ASTN1: variants seen among roughly 807,000 people sequenced by gnomAD.
ASTN1 encodes the protein astrotactin-1.
A neutral mutation model predicts 140.7 loss-of-function variants in ASTN1; 41 were observed. The observed-to-expected ratio is 0.29, with a 90% CI of 0.23 to 0.38. The LOEUF (loss-of-function observed/expected upper bound fraction) is 0.38, where lower values mean the gene tolerates loss of function less well. ASTN1 is among the 10% of genes least tolerant of loss of function. The pLI, the probability that ASTN1 is intolerant of heterozygous loss-of-function variation, is 1.00. For synonymous variants in ASTN1, 640 were observed against 652.2 expected, an observed-to-expected ratio of 0.98 and a Z score of 0.29; for missense variants, 1,479 against 1,678.8, an observed-to-expected ratio of 0.88 and a Z score of 2.08.
intron 8 of ASTN1, among the ~76,000 whole-genome samples, chr1:176,989,331 T>G (rs1474480354): frequency 2.6e-5 from 4 of 152,244 alleles, no homozygotes; most frequent in African/African-American, 7.2e-5. Context: ...GCATTAGATC[T>G]AATCACTGCC....
intron 2 of ASTN1, among the ~76,000 whole-genome samples, chr1:177,034,824 T>C (rs1418310727): frequency 6.6e-6 from 1 of 152,240 alleles, no homozygotes; most frequent in Non-Finnish European, 1.5e-5. Flanking sequence ...TTGTCAGACA[T>C]TGAATTAAGC....
At chr1:176,997,164 A>T (rs866293919) in intron 8 of ASTN1, among the ~76,000 whole-genome samples, 1 of 152,156 alleles carries the variant, frequency 6.6e-6, no homozygotes, top group South Asian at 2.1e-4. Context: ...ATTACCAAGC[A>T]CACTCCACAA....
At chr1:177,107,391 T>C (rs1680602440) in intron 1 of ASTN1, among the ~76,000 whole-genome samples, 1 of 152,192 alleles carries the variant, frequency 6.6e-6, no homozygotes, top group South Asian at 2.1e-4. Context: ...ATAAATGTGG[T>C]GGCACCAAAG....
At chr1:177,080,038 C>G (rs1244769167) in intron 1 of ASTN1, among the ~76,000 whole-genome samples, 4 of 151,994 alleles carry the variant, frequency 2.6e-5, no homozygotes, top group Non-Finnish European at 4.4e-5. Flanking sequence ...AATTCAAGTT[C>G]TGTCAACAGC....
intron 1 of ASTN1, among the ~76,000 whole-genome samples, chr1:177,120,307 T>C (rs1022641457): frequency 6.6e-6 from 1 of 152,130 alleles, no homozygotes; most frequent in Non-Finnish European, 1.5e-5. Flanking sequence ...GTAAAAACAC[T>C]ACAGAAATCA....
intron 22 of ASTN1, among the ~76,000 whole-genome samples, chr1:176,865,645 A>G (rs963806888): frequency 6.6e-6 from 1 of 152,254 alleles, no homozygotes; most frequent in African/African-American, 2.4e-5. Context: ...TATTCTTTGC[A>G]GCATTTATTG....
intron 8 of ASTN1, among the ~76,000 whole-genome samples, chr1:176,966,535 C>T (rs227984): frequency 0.24 from 36,385 of 152,092 alleles, 4,759 homozygotes; most frequent in African/African-American, 0.35. Context: ...TCCATTGACA[C>T]ATAAGCACAA....
chr1:177,124,813 A>G (rs1337318461), intron 1 of ASTN1, among the ~76,000 whole-genome samples: 1 of 152,206 alleles, frequency 6.6e-6, no homozygotes, highest in Non-Finnish European at 1.5e-5. Context: ...ACTCTCAGTG[A>G]AAATTAAGGA....
intron 4 of ASTN1, among the ~76,000 whole-genome samples, chr1:177,030,577 T>G (rs1336736746): frequency 6.6e-6 from 1 of 152,244 alleles, no homozygotes; most frequent in Non-Finnish European, 1.5e-5. Context: ...CTTTGCACAC[T>G]TGTCCAATTA....
intron 8 of ASTN1, among the ~76,000 whole-genome samples, chr1:177,003,067 G>A (rs1674813227): frequency 6.6e-6 from 1 of 151,952 alleles, no homozygotes; most frequent in Non-Finnish European, 1.5e-5. Context: ...ATGCAAAGTA[G>A]AATTGGAACC....
chr1:176,870,825 G>A (rs1668312478), intron 21 of ASTN1, among the ~76,000 whole-genome samples: 1 of 152,152 alleles, frequency 6.6e-6, no homozygotes, highest in South Asian at 2.1e-4. Context: ...AATATCTATG[G>A]TATCTCCAGT....
rs769781369 is a variant in ASTN1 at position 176,894,838 on chromosome 1, C to A, written c.2672-8G>T. On this transcript the variant is annotated splice_polypyrimidine_tract_variant and splice_region_variant and intron_variant, in intron 16 of 22. Coordinates refer to ENST00000361833, the MANE Select transcript of ASTN1 (RefSeq NM_004319.3). ...CATCTGATGGGGAGTTGCCTGCAGACACAAAATGGAAAGAAACAGTGAAGG... is the reference window on the plus strand; with the variant it reads ...CATCTGATGGGGAGTTGCCTGCAGAAACAAAATGGAAAGAAACAGTGAAGG... The A allele has an allele frequency of 3.7e-6, 6 of 1,613,078 alleles. No homozygotes were observed. Among genetic ancestry groups the A allele is most frequent in the Non-Finnish European group, 5.1e-6 (6 of 1,180,016 alleles).
intron 8 of ASTN1, among the ~76,000 whole-genome samples, chr1:176,977,486 T>C (rs1210453421): frequency 1.3e-5 from 2 of 152,214 alleles, no homozygotes; most frequent in African/African-American, 2.4e-5. Context: ...TGGAGAGCAC[T>C]GGGCTACACA....
intron 1 of ASTN1, among the ~76,000 whole-genome samples, chr1:177,141,012 C>T (rs888047167): frequency 1.3e-5 from 2 of 152,080 alleles, no homozygotes; most frequent in East Asian, 3.9e-4. Context: ...GTCCAGATAT[C>T]GAGACCATCC....
At position 176,946,117 on chromosome 1, in the gene ASTN1, G is replaced by A; in HGVS notation, c.2058C>T (p.Cys686=). ...CCACACCAAGCTTGTAGTCCTCGAT[G>A]CACCTAGCACAGAGGAGAGCTCAAT... ...TLYNILMFCG[C]IEDYKLGVDG... Residue 686 remains cysteine, a synonymous_variant, in exon 13 of 23, where the codon TGC becomes TGT. Transcript: ENST00000361833. The A allele has an allele frequency of 6.3e-7, 1 of 1,598,160 alleles. No homozygotes were observed.
intron 2 of ASTN1, among the ~76,000 whole-genome samples, chr1:177,039,119 C>T (rs1455194638): frequency 6.6e-6 from 1 of 152,186 alleles, no homozygotes; most frequent in Non-Finnish European, 1.5e-5. Context: ...TTCCAGCTAC[C>T]ATCTGTCAAG....
In ASTN1 at chr1:176,897,167, C is replaced by T. The variant is rs188115670; in HGVS notation, c.2672-2337G>A. The stretch of plus-strand genomic sequence containing the variant: ...GCGCACGCCTGTAATCCCAGCTACT[C>T]GGGAGGCTGAGGCAAGAGAATCGCT... On this transcript the variant is annotated intron_variant, in intron 16 of 22. Transcript: ENST00000361833. 1.5e-3 allele frequency among the ~76,000 whole-genome samples: 222 copies of T among 146,892 alleles called. 1 individual carries two copies. Among genetic ancestry groups the T allele is most frequent in the African/African-American group, 5.0e-3 (198 of 39,468 alleles).
chr1:176,864,511 G>C lies in ASTN1; in HGVS notation c.3658C>G (p.Leu1220Val), dbSNP rs776677973. 6.2e-7 allele frequency: 1 copy of C among 1,614,088 alleles called. No individual in the cohort carries two copies. The highest frequency in any genetic ancestry group is 1.1e-5 in the South Asian group (1 of 91,052). ...AGGTCCCCAAGCTGGGAAAGGATGAGACCAGCTTTCCTATGGATCAAGCAC... is the reference window on the plus strand; with the variant it reads ...AGGTCCCCAAGCTGGGAAAGGATGACACCAGCTTTCCTATGGATCAAGCAC... ...EDELGPRKAG[L>V]ILSQLGDLSS... The change falls in exon 23 of 23, where the codon CTC becomes GTC. Residue 1220 changes from leucine (L) to valine (V), a missense_variant. Coordinates refer to ENST00000361833, the MANE Select transcript of ASTN1 (RefSeq NM_004319.3).
At chr1:177,029,775 T>C (rs1442550707) in intron 4 of ASTN1, 34 bp from the exon 5 acceptor site, 2 of 1,576,814 alleles carry the variant, frequency 1.3e-6, no homozygotes, top group South Asian at 2.3e-5. Context: ...AGAAAGCGTT[T>C]TCAGTTCTGG....
Sources: allele counts gnomAD v4.1 joint callset (sites outside exome capture counted in the v4.1 genomes callset), GRCh38; gene constraint gnomAD v4.1.1; transcripts MANE v1.5; gene names NCBI Gene and HGNC (gene_info 2026-07-23, HGNC 2026-07-21).